SLC37A2: variants seen among roughly 807,000 people sequenced by gnomAD.
The protein encoded by SLC37A2 is glucose-6-phosphate exchanger SLC37A2.
SLC37A2 carries 59 observed loss-of-function variants against 70.7 expected under a neutral mutation model. The ratio of observed to expected loss-of-function variants is 0.83; its 90% CI spans 0.68 to 1.04. The LOEUF (loss-of-function observed/expected upper bound fraction) is 1.04. Among genes scored for constraint, SLC37A2 ranks in the 50% least tolerant of loss-of-function variants. The probability of loss-of-function intolerance (pLI) is 0.00; values close to 1 mark genes in which losing one functional copy is unlikely to be tolerated. For missense variants in SLC37A2, 580 were observed against 658.1 expected (o/e 0.88, Z 1.30); for synonymous variants, 257 against 262.1 (o/e 0.98, Z 0.19).
chr11:125,079,658 C>G, intron 5 of SLC37A2, 26 bp from the exon 6 acceptor site: 1 of 1,568,774 alleles, frequency 6.4e-7, no homozygotes, highest in Non-Finnish European at 8.7e-7. Context: ...AGGCCTGTTC[C>G]CACCCTCCCT....
At chr11:125,087,238 CAG>C (rs1949228553) in intron 17 of SLC37A2, 1 of 152,498 alleles carries the variant, frequency 6.6e-6, no homozygotes, top group South Asian at 2.1e-4. Context: ...AGGTGAGAGA[CAG>C]AGGCTCAGAG....
chr11:125,083,501 C>CCGTA lies in SLC37A2; in HGVS notation c.977-314_977-313insCGTA. The CCGTA allele has an allele frequency of 6.3e-6, 2 of 317,432 alleles. No individual in the cohort carries two copies. Among genetic ancestry groups the CCGTA allele is most frequent in the Non-Finnish European group, 1.2e-5 (2 of 167,802 alleles). 19.7% of individuals were successfully genotyped at this position (317,432 alleles called of 1,614,324 possible). A position where few individuals can be genotyped will look rare whatever the true frequency, so the allele number is the denominator to read the frequency against. On this transcript the variant is annotated intron_variant, in intron 10 of 17. Coordinates refer to ENST00000403796, the MANE Select transcript of SLC37A2 (RefSeq NM_001145290.2). This position sits in a 1 kb window ranked among gnomAD's most constrained non-coding sequence, Gnocchi z 4.6. Reference sequence around the variant, plus strand: ...GGGCTGGGCTGAGCTTCAGGTTGCGCTCCAGGGGAAAGGTGGCCACGGGAC... The same window carrying CCGTA: ...GGGCTGGGCTGAGCTTCAGGTTGCGCCGTATCCAGGGGAAAGGTGGCCACGGGAC...
At chr11:125,081,586 C>A in intron 8 of SLC37A2, 128 bp downstream of exon 8, 1 of 1,370,116 alleles carries the variant, frequency 7.3e-7, no homozygotes, top group Non-Finnish European at 9.9e-7. Flanking sequence ...CAGTGCTAGG[C>A]CCATGGGTTG....
rs896455429 is a variant in SLC37A2, at chr11:125,079,265, G to A, written c.450+18G>A. On this transcript the variant is annotated intron_variant, in intron 5 of 17. Coordinates refer to ENST00000403796, the MANE Select transcript of SLC37A2 (RefSeq NM_001145290.2). ...TCATCCAGGTATGAATCACCGTCTT[G>A]CACTTGGGCCTGTGTTGCCGTCTCG... The A allele has an allele frequency of 3.1e-6, 5 of 1,613,762 alleles. No individual in the cohort carries two copies. The African/African-American group carries it at 6.7e-5, about 22-fold the overall frequency.
At chr11:125,066,496 T>C (rs1490764587) in intron 1 of SLC37A2, among the ~76,000 whole-genome samples, 2 of 152,230 alleles carry the variant, frequency 1.3e-5, no homozygotes, top group Non-Finnish European at 2.9e-5. Flanking sequence ...AAACTATCTG[T>C]AGGTGACAGA....
chr11:125,069,799 T>C (rs1182282834), intron 1 of SLC37A2, among the ~76,000 whole-genome samples: 1 of 152,244 alleles, frequency 6.6e-6, no homozygotes, highest in Admixed American at 6.5e-5. Context: ...GAGTCAGAGA[T>C]GGCGGAGTTT....
chr11:125,081,554 G>A, intron 8 of SLC37A2, 96 bp downstream of exon 8: 2 of 1,471,628 alleles, frequency 1.4e-6, no homozygotes, highest in Non-Finnish European at 1.8e-6. Context: ...GGGAGTTCTG[G>A]CCCTCACTGA....
intron 1 of SLC37A2, among the ~76,000 whole-genome samples, chr11:125,075,741 G>T (rs1166778473): frequency 6.6e-6 from 1 of 152,204 alleles, no homozygotes; most frequent in Non-Finnish European, 1.5e-5. Flanking sequence ...TGGGGGAATT[G>T]GGTCTGGGGT....
At chr11:125,074,803 C>A (rs960936778) in intron 1 of SLC37A2, among the ~76,000 whole-genome samples, 7 of 152,218 alleles carry the variant, frequency 4.6e-5, no homozygotes, top group African/African-American at 1.7e-4. Flanking sequence ...ACAGTCATAG[C>A]TGGGGCCCCA....
rs570788891 is a variant in SLC37A2, at chr11:125,076,793, T to A, written c.96T>A (p.Ile32=). ...TCATCCTGCTGCTGACCTTCCTAAT[T>A]TACGCCTGCTATCACATGTCCAGGA... ...RGLILLLTFL[I]YACYHMSRKP... is the part of the protein sequence containing the mutation. The change falls in exon 2 of 18, where the codon ATT becomes ATA. Residue 32 remains isoleucine, a synonymous_variant. Coordinates refer to ENST00000403796, the MANE Select transcript of SLC37A2 (RefSeq NM_001145290.2). 1.5e-5 allele frequency: 25 copies of A among 1,614,096 alleles called. No individual in the cohort carries two copies. In the East Asian group the frequency reaches 5.1e-4, roughly 33 times the overall value.
chr11:125,067,225 T>C (rs549730415), intron 1 of SLC37A2, among the ~76,000 whole-genome samples: 4 of 152,178 alleles, frequency 2.6e-5, no homozygotes, highest in African/African-American at 9.6e-5. Flanking sequence ...GCCATCCTCC[T>C]ACCTCATCCT....
rs374822921 is a variant in SLC37A2, at chr11:125,084,197, G to C, written c.1040-37G>C. 5.0e-6 allele frequency: 8 copies of C among 1,611,866 alleles called. No individual in the cohort carries two copies. In the Admixed American group the frequency reaches 8.3e-5, roughly 17 times the overall value. On this transcript the variant is annotated intron_variant, in intron 11 of 17. Transcript: ENST00000403796. ...CCAGGCGAGGGGATGGCAGGGTCCT[G>C]TCTGGGAGTCAGTGCGTGAGTGGCT...
intron 10 of SLC37A2, among the ~76,000 whole-genome samples, chr11:125,082,582 A>C (rs1449511646): frequency 1.3e-5 from 2 of 152,084 alleles, no homozygotes; most frequent in Non-Finnish European, 2.9e-5. Flanking sequence ...GGGGGTTAGG[A>C]ACTCAGAGCT....
At position 125,083,251 on chromosome 11, in the gene SLC37A2, C is replaced by CT. The variant is rs1268411353; in HGVS notation, c.977-561dup. On this transcript the variant is annotated intron_variant, in intron 10 of 17. Transcript: ENST00000403796. This position sits in a 1 kb window ranked among gnomAD's most constrained non-coding sequence, Gnocchi z 4.6. The stretch of plus-strand genomic sequence containing the variant: ...GGGCAGCTTTGTGGACACCGTGACT[C>CT]TTTGTTTTGTGGCCTTGGTGCTGAC... 1.3e-5 allele frequency: 2 copies of CT among 152,870 alleles called. No individual in the cohort carries two copies. The highest frequency in any genetic ancestry group is 6.5e-5 in the Admixed American group (1 of 15,338). 9.5% of individuals were successfully genotyped at this position (152,870 alleles called of 1,614,324 possible). A position where few individuals can be genotyped will look rare whatever the true frequency, so the allele number is the denominator to read the frequency against.
rs754173680 is a variant in SLC37A2, at chr11:125,080,603, C to T, written c.528-11C>T. ...TTTTTATACCTCTTCCCTTCTCTCCCTCCCTTCCAGGCGGGGGTTCATCAT... is the reference window on the plus strand; with the variant it reads ...TTTTTATACCTCTTCCCTTCTCTCCTTCCCTTCCAGGCGGGGGTTCATCAT... On this transcript the variant is annotated splice_polypyrimidine_tract_variant and intron_variant, in intron 6 of 17. Transcript: ENST00000403796. The surrounding 1 kb of genome is among the most constrained non-coding windows in gnomAD (Gnocchi z 4.3). The T allele has an allele frequency of 6.8e-7, 1 of 1,478,152 alleles. No homozygotes were observed. Among genetic ancestry groups the T allele is most frequent in the South Asian group, 1.4e-5 (1 of 72,144 alleles). 91.6% of individuals were successfully genotyped at this position (1,478,152 alleles called of 1,614,324 possible).
rs764718185 is a variant in SLC37A2 at position 125,077,523 on chromosome 11, C to G, written c.309C>G (p.Phe103Leu). The part of the protein sequence containing the change: ...AFLIAYAIGM[F>L]ISGVFGERLP... The stretch of plus-strand genomic sequence containing the variant: ...TCATCGCCTATGCCATCGGCATGTT[C>G]ATCAGGTAAGGACAGAGGCTGAGCC... The change falls in exon 4 of 18, where the codon TTC becomes TTG. Residue 103 changes from phenylalanine to leucine, a missense_variant. Transcript: ENST00000403796. 40 of 1,613,184 alleles carry G rather than the reference C, an allele frequency of 2.5e-5. No individual in the cohort carries two copies. The highest frequency in any genetic ancestry group is 3.2e-5 in the Non-Finnish European group (38 of 1,179,376).
At position 125,081,844 on chromosome 11, in the gene SLC37A2, T is replaced by G. The variant is rs750133348; in HGVS notation, c.823T>G (p.Cys275Gly). The change falls in exon 9 of 18, where the codon TGC becomes GGC. Residue 275 changes from cysteine (C) to glycine (G), a missense_variant. Coordinates refer to ENST00000403796, the MANE Select transcript of SLC37A2 (RefSeq NM_001145290.2). ...GAGCGGCCTTGAGACTGTGGCCAAA[T>G]GCTCCAAGGGGCCATGCGAAGAGCC... Reference protein sequence around the residue: ...RESGLETVAKCSKGPCEEPAA... With the variant: ...RESGLETVAKGSKGPCEEPAA... The G allele has an allele frequency of 4.3e-6, 7 of 1,613,950 alleles. No homozygotes were observed. The highest frequency in any genetic ancestry group is 5.9e-6 in the Non-Finnish European group (7 of 1,179,970).
chr11:125,078,728 G>A (rs974902199), intron 4 of SLC37A2, among the ~76,000 whole-genome samples: 2 of 152,134 alleles, frequency 1.3e-5, no homozygotes, highest in Non-Finnish European at 2.9e-5. Context: ...AAATAAAGAT[G>A]TCCAGGAGGC....
At position 125,085,459 on chromosome 11, in the gene SLC37A2, G is replaced by A; in HGVS notation, c.1313G>A (p.Gly438Asp). The A allele has an allele frequency of 6.2e-7, 1 of 1,613,906 alleles. No individual in the cohort carries two copies. Among genetic ancestry groups the A allele is most frequent in the Non-Finnish European group, 8.5e-7 (1 of 1,179,946 alleles). Residue 438 changes from glycine to aspartate, a missense_variant, in exon 15 of 18, where the codon GGC (glycine) becomes GAC (aspartate). Transcript: ENST00000403796. The part of the protein sequence containing the change: ...ALSTVTAIID[G>D]TGSIGAALGP... ...TCCACGGTCACGGCCATCATTGACG[G>A]CACCGGCTCCATAGGTCTGTGACTC...
Sources: allele counts gnomAD v4.1 joint callset (sites outside exome capture counted in the v4.1 genomes callset), GRCh38; gene constraint gnomAD v4.1.1; non-coding constraint Gnocchi (gnomAD v3.1); transcripts MANE v1.5; gene names NCBI Gene and HGNC (gene_info 2026-07-23, HGNC 2026-07-21).